EDIL3: variants seen among roughly 807,000 people sequenced by gnomAD.
The protein encoded by EDIL3 is EGF like and discoidin domains 3, also known as EGF-like repeat and discoidin I-like domain-containing protein 3.
In EDIL3, 37 loss-of-function variants were observed where a neutral mutation model predicts 67.4. The observed-to-expected ratio is 0.55, with a 90% CI of 0.42 to 0.72. EDIL3 has a LOEUF of 0.72. Ranked by LOEUF, EDIL3 falls within the 30% of genes least tolerant of loss-of-function variation. The pLI, the probability that EDIL3 is intolerant of heterozygous loss-of-function variation, is 0.00. For synonymous variants in EDIL3, 195 were observed against 196.3 expected, an observed-to-expected ratio of 0.99 and a Z score of 0.05; for missense variants, 527 against 586.3, an observed-to-expected ratio of 0.90 and a Z score of 1.04.
At chr5:84,196,747 A>G (rs527532226) in intron 3 of EDIL3, 1 of 152,158 alleles carries the variant, frequency 6.6e-6, no homozygotes, top group African/African-American at 2.4e-5. Context: ...ATTATTCCAG[A>G]TCAGCAGTTA....
At chr5:84,063,844 T>G (rs1217867278) in intron 8 of EDIL3, among the ~76,000 whole-genome samples, 1 of 152,136 alleles carries the variant, frequency 6.6e-6, no homozygotes, top group Non-Finnish European at 1.5e-5. Context: ...TTCTTCACAG[T>G]TATTTGAACA....
In EDIL3 at chr5:84,384,303, C is replaced by T. The variant is rs766455597; in HGVS notation, c.67+5G>A. 8.7e-6 allele frequency: 14 copies of T among 1,608,914 alleles called. No homozygotes were observed. The South Asian group carries it at 1.6e-4, about 18-fold the overall frequency. On this transcript the variant is annotated splice_donor_5th_base_variant and intron_variant, in intron 1 of 10. Transcript: ENST00000296591. ...CACCCAGCTGTCCGGGTCCCGACGC[C>T]TTACCTTTGCCGAACTGGGGGACAC... is the stretch of plus-strand genomic sequence containing the variant.
At chr5:84,224,477 G>T (rs1744409663) in intron 3 of EDIL3, among the ~76,000 whole-genome samples, 1 of 151,326 alleles carries the variant, frequency 6.6e-6, no homozygotes. Context: ...ATAGAAATAA[G>T]TATTGTTATA....
intron 9 of EDIL3, among the ~76,000 whole-genome samples, chr5:83,978,049 G>A (rs1290516203): frequency 6.6e-6 from 1 of 151,780 alleles, no homozygotes; most frequent in Non-Finnish European, 1.5e-5. Flanking sequence ...AAAGAAATAA[G>A]CATATAAAAT....
chr5:84,290,804 C>T (rs529708903), intron 1 of EDIL3, among the ~76,000 whole-genome samples: 5 of 152,076 alleles, frequency 3.3e-5, no homozygotes, highest in African/African-American at 7.2e-5. Context: ...ATAAACTCTA[C>T]GATTTTCTCC....
chr5:83,972,581 T>C (rs907003926), intron 9 of EDIL3, among the ~76,000 whole-genome samples: 3 of 152,040 alleles, frequency 2.0e-5, no homozygotes, highest in African/African-American at 4.8e-5. Flanking sequence ...AAATCAGGTA[T>C]ACTTTATCAG....
intron 1 of EDIL3, among the ~76,000 whole-genome samples, chr5:84,282,499 T>G (rs1745724782): frequency 6.6e-6 from 1 of 152,208 alleles, no homozygotes; most frequent in Admixed American, 6.5e-5. Flanking sequence ...TACCATAATT[T>G]ATTTCTTCAT....
At chr5:84,214,654 T>G (rs1744190122) in intron 3 of EDIL3, among the ~76,000 whole-genome samples, 2 of 152,162 alleles carry the variant, frequency 1.3e-5, no homozygotes, top group African/African-American at 4.8e-5. Flanking sequence ...TTATTTCTTC[T>G]ATTTGGAAAT....
In EDIL3 at chr5:83,963,364, A is replaced by T. The variant is rs188543397; in HGVS notation, c.1138-4T>A. The T allele has an allele frequency of 3.4e-5, 54 of 1,583,686 alleles. No individual in the cohort carries two copies. The Admixed American group carries it at 9.9e-4, about 29-fold the overall frequency. ...TGGTTGGAACAAGAAGATCCACCTT[A>T]AAAAAAAGAAAAATACAGGCTTTAA... On this transcript the variant is annotated splice_polypyrimidine_tract_variant and splice_region_variant and intron_variant, in intron 9 of 10. Transcript: ENST00000296591.
chr5:83,945,657 C>G (rs1744296445), intron 10 of EDIL3, among the ~76,000 whole-genome samples: 1 of 151,688 alleles, frequency 6.6e-6, no homozygotes, highest in Admixed American at 6.6e-5. Context: ...ATACTTATTT[C>G]TTTATAATGA....
chr5:84,304,701 A>T (rs1432320367), intron 1 of EDIL3, among the ~76,000 whole-genome samples: 2 of 152,246 alleles, frequency 1.3e-5, no homozygotes, highest in Non-Finnish European at 2.9e-5. Context: ...AAGCCTAATC[A>T]AAATCCATTA....
intron 4 of EDIL3, 138 bp from the exon 5 acceptor site, chr5:84,137,492 C>A: frequency 1.5e-6 from 1 of 645,308 alleles, no homozygotes; most frequent in Non-Finnish European, 2.6e-6. Context: ...TGTGTTTAGT[C>A]AGTAATACAA....
intron 3 of EDIL3, among the ~76,000 whole-genome samples, chr5:84,224,936 CATT>C (rs1387971331): frequency 6.6e-6 from 1 of 151,444 alleles, no homozygotes; most frequent in African/African-American, 2.4e-5. Flanking sequence ...ATGTGAATCT[CATT>C]AGTTTGTAAT....
At chr5:84,256,715 A>T (rs935153465) in intron 1 of EDIL3, among the ~76,000 whole-genome samples, 2 of 152,192 alleles carry the variant, frequency 1.3e-5, no homozygotes, top group Non-Finnish European at 2.9e-5. Context: ...GTATCACCAC[A>T]TTTGTGCTTT....
At chr5:84,143,354 C>A (rs1223067160) in intron 4 of EDIL3, among the ~76,000 whole-genome samples, 2 of 152,034 alleles carry the variant, frequency 1.3e-5, no homozygotes, top group Admixed American at 1.3e-4. Flanking sequence ...GAACGTATCA[C>A]ACACAAACCT....
At chr5:84,349,704 A>T (rs1201567770) in intron 1 of EDIL3, among the ~76,000 whole-genome samples, 1 of 151,718 alleles carries the variant, frequency 6.6e-6, no homozygotes, top group African/African-American at 2.4e-5. Flanking sequence ...CACCACCAAC[A>T]CTCTTCCATG....
At chr5:83,986,639 A>G (rs940682384) in intron 9 of EDIL3, among the ~76,000 whole-genome samples, 1 of 152,078 alleles carries the variant, frequency 6.6e-6, no homozygotes, top group African/African-American at 2.4e-5. Context: ...GTATAGTGGG[A>G]CAAGCAGACT....
chr5:84,209,361 A>C (rs996433403), intron 3 of EDIL3, among the ~76,000 whole-genome samples: 4 of 152,152 alleles, frequency 2.6e-5, no homozygotes, highest in Non-Finnish European at 4.4e-5. Flanking sequence ...TGTACCCTAA[A>C]ACTTAAAGTA....
At chr5:84,372,372 A>C (rs1483387648) in intron 1 of EDIL3, among the ~76,000 whole-genome samples, 1 of 152,218 alleles carries the variant, frequency 6.6e-6, no homozygotes, top group Non-Finnish European at 1.5e-5. Context: ...GTATATTAAA[A>C]GGAGAGATGA....
Sources: allele counts gnomAD v4.1 joint callset (sites outside exome capture counted in the v4.1 genomes callset), GRCh38; gene constraint gnomAD v4.1.1; transcripts MANE v1.5; gene names NCBI Gene and HGNC (gene_info 2026-07-23, HGNC 2026-07-21).